Variants in ADAMTS17 observed in about 807,000 individuals in gnomAD.
ADAMTS17 encodes the protein A disintegrin and metalloproteinase with thrombospondin motifs 17.
Under a neutral mutation model 141.5 loss-of-function variants are expected in ADAMTS17, and 113 were observed. The ratio of observed to expected loss-of-function variants is 0.80; its 90% CI spans 0.69 to 0.93. The LOEUF (loss-of-function observed/expected upper bound fraction) is 0.93, where lower values mean the gene tolerates loss of function less well. ADAMTS17 is among the 40% of genes least tolerant of loss of function. The probability of loss-of-function intolerance (pLI) is 0.00; values close to 1 mark genes in which losing one functional copy is unlikely to be tolerated. For synonymous variants in ADAMTS17, 768 were observed against 630.6 expected, an observed-to-expected ratio of 1.22 and a Z score of -3.27; for missense variants, 1,659 against 1,517.9, an observed-to-expected ratio of 1.09 and a Z score of -1.54.
chr15:100,148,826 T>TAAA (rs75732846), intron 10 of ADAMTS17, among the ~76,000 whole-genome samples: 65 of 140,004 alleles, frequency 4.6e-4, no homozygotes, highest in African/African-American at 1.7e-3. Flanking sequence ...AAGCTTATAT[T>TAAA]AAAAAAAAAA....
chr15:100,005,622 A>G (rs1468518105), intron 18 of ADAMTS17, among the ~76,000 whole-genome samples: 3 of 152,180 alleles, frequency 2.0e-5, no homozygotes, highest in Non-Finnish European at 2.9e-5. Flanking sequence ...AATCCAGAAT[A>G]ATCTACTTTA....
chr15:100,155,192 T>C lies in ADAMTS17; in HGVS notation c.1310A>G (p.Glu437Gly). Residue 437 changes from glutamate (E) to glycine (G), a missense_variant, in exon 9 of 22, where the codon GAA becomes GGA. Glu to Gly is a moderately conservative substitution (Grantham distance 98, BLOSUM62 -2). Coordinates refer to ENST00000268070, the MANE Select transcript of ADAMTS17 (RefSeq NM_139057.4). ...TTCCAGGACTTACTTGAGGAAGTTT[T>C]CAAGGTCATCTCGGCTGCAGGAGGA... ...SWSSCSRDDL[E>G]NFLKSKVSTC... 6.2e-7 allele frequency: 1 copy of C among 1,614,236 alleles called. No homozygotes were observed. The highest frequency in any genetic ancestry group is 8.5e-7 in the Non-Finnish European group (1 of 1,180,040).
rs1294988195 is a variant in ADAMTS17, at chr15:100,156,474, G to A, written c.1182-1154C>T. Among the ~76,000 whole-genome samples the A allele has an allele frequency of 2.6e-5, 4 of 152,182 alleles. No individual in the cohort carries two copies. The East Asian group carries it at 7.7e-4, about 29-fold the overall frequency. On this transcript the variant is annotated intron_variant, in intron 8 of 21. Transcript: ENST00000268070. ...CGCTGCCTGGCGCTCATGTGTTCTGGAACTTTGGGCTAGCGGGGCCCTCTC... is the reference window on the plus strand; with the variant it reads ...CGCTGCCTGGCGCTCATGTGTTCTGAAACTTTGGGCTAGCGGGGCCCTCTC...
At chr15:100,211,220 T>C (rs1479987988) in intron 7 of ADAMTS17, among the ~76,000 whole-genome samples, 1 of 145,208 alleles carries the variant, frequency 6.9e-6, no homozygotes, top group Non-Finnish European at 1.5e-5. Flanking sequence ...CGGTTGCACC[T>C]GGGAGGTGGA....
intron 15 of ADAMTS17, among the ~76,000 whole-genome samples, chr15:100,058,229 CCTATCCCAGCTCTGACCCT>C (rs1173348029): frequency 1.1e-4 from 5 of 43,880 alleles, no homozygotes; most frequent in Admixed American, 3.6e-4. Context: ...CTCCAACACT[CCTATCCCAGCTCTGACCCT>C]CCTATCCCGG....
intron 8 of ADAMTS17, among the ~76,000 whole-genome samples, chr15:100,198,841 C>G (rs78860670): frequency 6.6e-6 from 1 of 152,162 alleles, no homozygotes; most frequent in Non-Finnish European, 1.5e-5. Context: ...AGAGAAGAAT[C>G]GCTGTGTGCA....
At chr15:100,131,949 C>T in intron 12 of ADAMTS17, 58 bp downstream of exon 12, 1 of 1,612,136 alleles carries the variant, frequency 6.2e-7, no homozygotes. Context: ...GCAGCGAGAG[C>T]TGCTGTTGGG....
chr15:100,185,639 C>G (rs1315476031), intron 8 of ADAMTS17, among the ~76,000 whole-genome samples: 4 of 152,250 alleles, frequency 2.6e-5, no homozygotes, highest in Admixed American at 6.5e-5. Context: ...GTTGCAACCT[C>G]TTTTCCTGTA....
chr15:100,048,076 AC>A (rs1296320573), intron 18 of ADAMTS17, among the ~76,000 whole-genome samples: 1 of 152,146 alleles, frequency 6.6e-6, no homozygotes, highest in Non-Finnish European at 1.5e-5. Context: ...AAGCTCTTGT[AC>A]TAGGCAAGCG....
intron 1 of ADAMTS17, 98 bp from the exon 2 acceptor site, chr15:100,341,507 C>T (rs1261473701): frequency 2.0e-6 from 2 of 988,778 alleles, no homozygotes; most frequent in Admixed American, 1.2e-4. Flanking sequence ...ACAGCGCGAC[C>T]CGGAGCCGGC....
At chr15:100,042,721 G>A (rs1229584677) in intron 18 of ADAMTS17, among the ~76,000 whole-genome samples, 1 of 152,158 alleles carries the variant, frequency 6.6e-6, no homozygotes, top group Admixed American at 6.5e-5. Context: ...GAGACACTGT[G>A]GATCCCCTGG....
chr15:100,237,117 G>A (rs2042682515), intron 7 of ADAMTS17, among the ~76,000 whole-genome samples: 1 of 152,110 alleles, frequency 6.6e-6, no homozygotes, highest in Admixed American at 6.5e-5. Context: ...AAGCCTAACT[G>A]GGGTGTCGGG....
intron 14 of ADAMTS17, among the ~76,000 whole-genome samples, chr15:100,107,448 T>C (rs2036479716): frequency 6.6e-6 from 1 of 151,976 alleles, no homozygotes; most frequent in South Asian, 2.1e-4. Context: ...GAGGACACAG[T>C]TGAGGGAACG....
At chr15:100,151,549 C>G (rs1193337836) in intron 10 of ADAMTS17, among the ~76,000 whole-genome samples, 2 of 152,170 alleles carry the variant, frequency 1.3e-5, no homozygotes, top group Middle Eastern at 3.2e-3. Flanking sequence ...CACACATCCT[C>G]CTTGGGACCA....
chr15:100,010,044 G>T (rs752146629), intron 18 of ADAMTS17, among the ~76,000 whole-genome samples: 3 of 152,194 alleles, frequency 2.0e-5, no homozygotes, highest in Non-Finnish European at 4.4e-5. Context: ...TCAAGATAGC[G>T]AATAAGTCTT....
chr15:100,315,896 C>A (rs1324106376), intron 3 of ADAMTS17, among the ~76,000 whole-genome samples: 2 of 152,232 alleles, frequency 1.3e-5, no homozygotes, highest in South Asian at 4.1e-4. Flanking sequence ...ACCACGGGGG[C>A]AGAGGGTGTC....
At chr15:100,065,149 C>T (rs901785957) in intron 15 of ADAMTS17, among the ~76,000 whole-genome samples, 1 of 152,092 alleles carries the variant, frequency 6.6e-6, no homozygotes, top group Non-Finnish European at 1.5e-5. Context: ...CCAGAATTGA[C>T]CTATACCACA....
intron 10 of ADAMTS17, among the ~76,000 whole-genome samples, chr15:100,136,659 G>A (rs1434669133): frequency 6.6e-6 from 1 of 152,214 alleles, no homozygotes; most frequent in Non-Finnish European, 1.5e-5. Flanking sequence ...AGGTCACAGA[G>A]TCTGAGCTGG....
chr15:100,160,496 G>C (rs1039165595), intron 8 of ADAMTS17, among the ~76,000 whole-genome samples: 1 of 152,200 alleles, frequency 6.6e-6, no homozygotes, highest in African/African-American at 2.4e-5. Context: ...AGACAACTTG[G>C]TTATCAAATG....
Sources: allele counts gnomAD v4.1 joint callset (sites outside exome capture counted in the v4.1 genomes callset), GRCh38; gene constraint gnomAD v4.1.1; transcripts MANE v1.5; gene names NCBI Gene and HGNC (gene_info 2026-07-23, HGNC 2026-07-21).